The following CEACAM21 variants were observed in gnomAD, a reference collection of about 807,000 sequenced individuals.
CEACAM21 encodes CEA cell adhesion molecule 21.
In CEACAM21, 38 loss-of-function variants were observed where a neutral mutation model predicts 33.2. The ratio of observed to expected loss-of-function variants is 1.14; its 90% confidence interval spans 0.88 to 1.50. CEACAM21 has a LOEUF of 1.50. CEACAM21 is among the 40% of genes most tolerant of loss of function. CEACAM21 has a pLI of 0.00. For missense variants in CEACAM21, 385 were observed against 364.6 expected, an observed-to-expected ratio of 1.06 and a Z score of -0.46; for synonymous variants, 156 against 143.0, an observed-to-expected ratio of 1.09 and a Z score of -0.65.
chr19:41,552,479 G>A (rs1329254698), intron 1 of CEACAM21, among the ~76,000 whole-genome samples: 1 of 152,198 alleles, frequency 6.6e-6, no homozygotes, highest in Non-Finnish European at 1.5e-5. Flanking sequence ...AGCCTTTGTA[G>A]AAAGGCGCTG....
upstream of CEACAM21, among the ~76,000 whole-genome samples, chr19:41,572,401 C>T (rs1600223326): frequency 6.6e-6 from 1 of 152,150 alleles, no homozygotes. Context: ...CTGCAAGCAG[C>T]CCCTGGAAGA....
chr19:41,564,466 T>C (rs1448622852), intron 1 of CEACAM21, among the ~76,000 whole-genome samples: 1 of 152,114 alleles, frequency 6.6e-6, no homozygotes, highest in Non-Finnish European at 1.5e-5. Flanking sequence ...TCTCCCCACC[T>C]TACCGCCAGG....
intron 2 of CEACAM21, among the ~76,000 whole-genome samples, chr19:41,567,286 G>C (rs2042326610): frequency 6.6e-6 from 1 of 152,194 alleles, no homozygotes; most frequent in Admixed American, 6.5e-5. Flanking sequence ...AACAGACCCT[G>C]TTAAACAATG....
upstream of CEACAM21, among the ~76,000 whole-genome samples, chr19:41,575,171 A>G (rs1185852449): frequency 2.1e-5 from 3 of 144,832 alleles, no homozygotes; most frequent in Non-Finnish European, 4.4e-5. Flanking sequence ...AGAGGCTACC[A>G]GTGGGTGGGG....
intron 6 of CEACAM21, 25 bp downstream of exon 6, chr19:41,585,896 A>G: frequency 6.2e-7 from 1 of 1,611,390 alleles, no homozygotes; most frequent in Non-Finnish European, 8.5e-7. Context: ...TCCCAATCCC[A>G]TTTCCACTGG....
intron 2 of CEACAM21, among the ~76,000 whole-genome samples, chr19:41,570,394 T>A (rs1182031752): frequency 6.6e-6 from 1 of 152,152 alleles, no homozygotes; most frequent in Non-Finnish European, 1.5e-5. Context: ...TGCTGCCACC[T>A]CTAGGGACAC....
chr19:41,584,269 T>C lies in CEACAM21; in HGVS notation c.701-78T>C. 3 of 1,228,084 alleles carry C rather than the reference T, an allele frequency of 2.4e-6. No individual in the cohort carries two copies. In the Middle Eastern group the frequency reaches 5.6e-4, roughly 230 times the overall value. 76.1% of individuals were successfully genotyped at this position (1,228,084 alleles called of 1,614,324 possible). On this transcript the variant is annotated intron_variant, in intron 3 of 6. Transcript: ENST00000401445. ...ATGGCATTTCCTTCCTCCCTGACCA[T>C]GCCCCTGCCCTGCAAGGCCCCTCAT...
chr19:41,573,360 C>T (rs1344832184), upstream of CEACAM21, among the ~76,000 whole-genome samples: 1 of 152,170 alleles, frequency 6.6e-6, no homozygotes, highest in Non-Finnish European at 1.5e-5. Flanking sequence ...AGGACACCCA[C>T]CTGCTGGCCC....
intron 1 of CEACAM21, among the ~76,000 whole-genome samples, chr19:41,554,221 A>C (rs2041401115): frequency 6.6e-6 from 1 of 152,024 alleles, no homozygotes; most frequent in Non-Finnish European, 1.5e-5. Context: ...CTCTCTTCTG[A>C]TGTCACAATC....
In CEACAM21 at chr19:41,586,568, C is replaced by T; in HGVS notation, c.*105C>T. On this transcript the variant is annotated 3_prime_UTR_variant, in exon 7 of 7. Coordinates refer to ENST00000401445, the MANE Select transcript of CEACAM21 (RefSeq NM_001098506.4). ...CTGCTCCTGTGGGTTGATGGAGCGT[C>T]CCTGAAGCCCCCAGCCCTGGGGATG... The T allele has an allele frequency of 4.9e-6, 3 of 615,482 alleles. 1 individual carries two copies. The highest frequency in any genetic ancestry group is 4.1e-5 in the South Asian group (3 of 73,220). 38.1% of individuals were successfully genotyped at this position (615,482 alleles called of 1,614,324 possible).
chr19:41,564,491 G>C (rs933479959), intron 1 of CEACAM21, among the ~76,000 whole-genome samples: 2 of 152,062 alleles, frequency 1.3e-5, no homozygotes, highest in South Asian at 4.1e-4. Context: ...TTAGCCTGAC[G>C]ACACTCCGCC....
chr19:41,577,350 C>T lies in CEACAM21; in HGVS notation c.215C>T (p.Thr72Met), dbSNP rs201857878. 1.1e-5 allele frequency: 17 copies of T among 1,613,966 alleles called. No homozygotes were observed. The highest frequency in any genetic ancestry group is 1.4e-5 in the Non-Finnish European group (16 of 1,179,998). Residue 72 changes from threonine to methionine, a missense_variant, in exon 2 of 7, where the codon ACG becomes ATG. By Grantham distance (81) the Thr-to-Met change is moderately conservative. Transcript: ENST00000401445. The stretch of plus-strand genomic sequence containing the variant: ...AGCTATGGCTGGTACAAAGGGAAAA[C>T]GGTGGAGCCCAACCAGCTAATCGCA... ...LYSYGWYKGK[T>M]VEPNQLIAAY...
chr19:41,568,088 T>G (rs1555788680), intron 2 of CEACAM21, among the ~76,000 whole-genome samples: 2 of 152,134 alleles, frequency 1.3e-5, no homozygotes, highest in African/African-American at 4.8e-5. Context: ...ACTGTGGATG[T>G]GGCCTCTGTA....
intron 2 of CEACAM21, chr19:41,579,151 C>G: frequency 1.3e-6 from 1 of 766,628 alleles, no homozygotes; most frequent in Non-Finnish European, 2.1e-6. Context: ...TCTGAGGCAG[C>G]TGGGTCCTCC....
intron 1 of CEACAM21, among the ~76,000 whole-genome samples, chr19:41,557,313 C>T (rs1403400474): frequency 6.6e-6 from 1 of 152,126 alleles, no homozygotes; most frequent in Non-Finnish European, 1.5e-5. Context: ...TACTCTGTGG[C>T]GTGTCACTTA....
chr19:41,579,190 A>G, intron 2 of CEACAM21, 163 bp from the exon 3 acceptor site: 1 of 1,137,662 alleles, frequency 8.8e-7, no homozygotes, highest in Non-Finnish European at 1.3e-6. Context: ...AGGTCACTGT[A>G]GTCCCTACTG....
intron 1 of CEACAM21, among the ~76,000 whole-genome samples, chr19:41,576,735 C>T (rs1555791192): frequency 1.3e-5 from 2 of 152,144 alleles, no homozygotes; most frequent in African/African-American, 4.8e-5. Context: ...GCAGCCTGTC[C>T]CAGGCACTGG....
At chr19:41,563,382 G>A (rs1236590936) in intron 1 of CEACAM21, among the ~76,000 whole-genome samples, 1 of 152,146 alleles carries the variant, frequency 6.6e-6, no homozygotes, top group Non-Finnish European at 1.5e-5. Context: ...GCTGTTCCTC[G>A]GCGCTTCTGA....
At chr19:41,585,393 T>G (rs533872071) in intron 4 of CEACAM21, 50 bp from the exon 5 acceptor site, 1 of 1,600,404 alleles carries the variant, frequency 6.2e-7, no homozygotes, top group East Asian at 2.2e-5. Flanking sequence ...TTAACTCCAA[T>G]TTGTGACTTT....
Sources: allele counts gnomAD v4.1 joint callset (sites outside exome capture counted in the v4.1 genomes callset), GRCh38; gene constraint gnomAD v4.1.1; transcripts MANE v1.5; gene names NCBI Gene and HGNC (gene_info 2026-07-23, HGNC 2026-07-21).